The following RIN2 variants were observed in gnomAD, a reference collection of about 807,000 sequenced individuals.
RIN2 encodes the protein Ras and Rab interactor 2, also known as RAB5 interacting protein 2.
Under a neutral mutation model 78.0 loss-of-function variants are expected in RIN2, and 36 were observed. The ratio of observed to expected loss-of-function variants is 0.46; its 90% CI spans 0.35 to 0.61. The LOEUF (loss-of-function observed/expected upper bound fraction) is 0.61. RIN2 is among the 20% of genes least tolerant of loss of function. RIN2 has a pLI of 0.00. For synonymous variants in RIN2, 466 were observed against 466.8 expected (o/e 1.00, Z 0.02); for missense variants, 1,087 against 1,159.7 (o/e 0.94, Z 0.91).
chr20:19,765,489 A>G (rs1186931950), intron 1 of RIN2, among the ~76,000 whole-genome samples: 1 of 151,952 alleles, frequency 6.6e-6, no homozygotes, highest in African/African-American at 2.4e-5. Context: ...GTTCATTTGC[A>G]CTCATGTGTG....
At chr20:19,844,642 CTTCT>C (rs1568807403) in intron 2 of RIN2, among the ~76,000 whole-genome samples, 3 of 134,100 alleles carry the variant, frequency 2.2e-5, no homozygotes, top group Non-Finnish European at 4.8e-5. Flanking sequence ...TCTTCTTCTT[CTTCT>C]TCTTCTTCTT....
chr20:19,856,469 A>T (rs575803262), intron 2 of RIN2, among the ~76,000 whole-genome samples: 19 of 151,718 alleles, frequency 1.3e-4, no homozygotes, highest in African/African-American at 4.6e-4. Context: ...GGAGTTCAAG[A>T]CTACAATGAG....
rs559408943 is a variant in RIN2 at position 19,913,936 on chromosome 20, C to T, written c.58-21163C>T. Among the ~76,000 whole-genome samples, 7 of 152,132 alleles carry T rather than the reference C, an allele frequency of 4.6e-5. No individual in the cohort carries two copies. The East Asian group carries it at 5.8e-4, about 13-fold the overall frequency. ...GGAAGATTATTTTTTTCTCTTGCCC[C>T]GAATAAAAATATTAAAACCTATGTG... On this transcript the variant is annotated intron_variant, in intron 3 of 12. Transcript: ENST00000255006.
At chr20:19,952,142 C>A (rs4814927) in intron 4 of RIN2, among the ~76,000 whole-genome samples, 11,907 of 152,230 alleles carry the variant, frequency 0.078, 1,183 homozygotes, top group African/African-American at 0.21. Flanking sequence ...AATAGCCCCC[C>A]AGAGTTGTCT....
intron 3 of RIN2, among the ~76,000 whole-genome samples, chr20:19,915,822 A>T (rs983503731): frequency 3.3e-5 from 5 of 152,114 alleles, no homozygotes; most frequent in African/African-American, 4.8e-5. Context: ...TTTACAGAAA[A>T]TTTTTTGTCA....
chr20:19,958,026 A>G (rs992461385), intron 5 of RIN2, among the ~76,000 whole-genome samples: 3 of 152,264 alleles, frequency 2.0e-5, no homozygotes, highest in African/African-American at 7.2e-5. Context: ...AAATCCCATT[A>G]GTAGCTAGCT....
intron 4 of RIN2, among the ~76,000 whole-genome samples, chr20:19,946,442 CCGGGGTT>C (rs1333177110): frequency 2.0e-5 from 3 of 152,154 alleles, no homozygotes; most frequent in Non-Finnish European, 2.9e-5. Context: ...CAGGCCGGCG[CCGGGGTT>C]CACACCTGGA....
chr20:19,868,595 G>A (rs567699953), intron 2 of RIN2, among the ~76,000 whole-genome samples: 9 of 152,220 alleles, frequency 5.9e-5, no homozygotes, highest in African/African-American at 1.4e-4. Context: ...GTGAACATTC[G>A]ACAACAGGCC....
intron 9 of RIN2, among the ~76,000 whole-genome samples, chr20:19,979,608 G>T (rs571868753): frequency 6.6e-6 from 1 of 151,768 alleles, no homozygotes; most frequent in South Asian, 2.1e-4. Flanking sequence ...TCAGATCTGG[G>T]TTTTTTTTGT....
At chr20:19,894,105 T>C (rs1568580457) in intron 3 of RIN2, among the ~76,000 whole-genome samples, 1 of 151,930 alleles carries the variant, frequency 6.6e-6, no homozygotes, top group East Asian at 1.9e-4. Context: ...AAACACGTGG[T>C]GGGGAGAAGG....
intron 3 of RIN2, among the ~76,000 whole-genome samples, 183 bp downstream of exon 3, chr20:19,889,841 T>C (rs1386757364): frequency 1.3e-5 from 2 of 152,132 alleles, no homozygotes; most frequent in Non-Finnish European, 2.9e-5. Flanking sequence ...GGTCTGTGAT[T>C]TAGTGCTTTC....
Position 19,766,691 on chromosome 20 carries a change from C to G in RIN2, c.-163+8364C>G, listed in dbSNP as rs183148887. On this transcript the variant is annotated intron_variant, in intron 1 of 12. Transcript: ENST00000255006. Reference sequence around the variant, plus strand: ...ATCCCAGCACTTTGAGAGGCTGAGGCAGGCAGATCACTTGAAGTCAGGAGT... The same window carrying G: ...ATCCCAGCACTTTGAGAGGCTGAGGGAGGCAGATCACTTGAAGTCAGGAGT... 7.5e-3 allele frequency among the ~76,000 whole-genome samples: 1,135 copies of G among 152,186 alleles called. 15 individuals carry two copies. Among genetic ancestry groups the G allele is most frequent in the African/African-American group, 0.026 (1,071 of 41,536 alleles).
intron 2 of RIN2, among the ~76,000 whole-genome samples, chr20:19,827,708 T>A (rs1271348266): frequency 1.3e-5 from 2 of 152,188 alleles, no homozygotes; most frequent in Admixed American, 6.5e-5. Flanking sequence ...CGCTTTTTAA[T>A]GCTGGTCTCC....
intron 2 of RIN2, among the ~76,000 whole-genome samples, chr20:19,802,817 G>C (rs1202873536): frequency 6.6e-6 from 1 of 152,102 alleles, no homozygotes; most frequent in Non-Finnish European, 1.5e-5. Context: ...GCAAGCCCTA[G>C]TCATCTGCAT....
chr20:19,896,883 T>C (rs2038753888), intron 3 of RIN2, among the ~76,000 whole-genome samples: 1 of 152,204 alleles, frequency 6.6e-6, no homozygotes, highest in African/African-American at 2.4e-5. Context: ...TAATATATTG[T>C]ATTTGGCCTA....
At chr20:19,858,727 C>T (rs1243434529) in intron 2 of RIN2, among the ~76,000 whole-genome samples, 1 of 152,146 alleles carries the variant, frequency 6.6e-6, no homozygotes, top group Non-Finnish European at 1.5e-5. Flanking sequence ...TGACTCCTTC[C>T]CCATTCTCCA....
At chr20:19,897,852 C>T (rs1255005155) in intron 3 of RIN2, among the ~76,000 whole-genome samples, 1 of 152,062 alleles carries the variant, frequency 6.6e-6, no homozygotes, top group African/African-American at 2.4e-5. Flanking sequence ...GCTAGGACTA[C>T]AGATGCATGC....
chr20:19,975,752 C>G lies in RIN2; in HGVS notation c.1727C>G (p.Pro576Arg). ...NYLSQSSELD[P>R]PIESLIPEDQ... Reference sequence around the variant, plus strand: ...TTGTCTCAGAGCTCGGAGCTGGACCCCCCCATCGAGTCGCTGATCCCTGAA... The same window carrying G: ...TTGTCTCAGAGCTCGGAGCTGGACCGCCCCATCGAGTCGCTGATCCCTGAA... Residue 576 changes from proline (P) to arginine (R), a missense_variant, in exon 9 of 13, where the codon CCC (proline) becomes CGC (arginine). Around this residue, in one of 8 missense-constraint regions of RIN2, gnomAD observed 39 missense variants for 34.9 expected, o/e 1.12. Coordinates refer to ENST00000255006, the MANE Select transcript of RIN2 (RefSeq NM_018993.4). This position sits in a 1 kb window ranked among gnomAD's most constrained non-coding sequence, Gnocchi z 4.9. The G allele has an allele frequency of 6.2e-7, 1 of 1,612,322 alleles. No homozygotes were observed. Among genetic ancestry groups the G allele is most frequent in the Non-Finnish European group, 8.5e-7 (1 of 1,179,364 alleles).
intron 2 of RIN2, among the ~76,000 whole-genome samples, chr20:19,859,235 T>A (rs2037258447): frequency 6.6e-6 from 1 of 152,190 alleles, no homozygotes; most frequent in East Asian, 1.9e-4. Flanking sequence ...GCAGGCAGGA[T>A]GTGGCTGCAG....
Sources: gnomAD v4.1 joint callset for allele counts (sites outside exome capture counted in the v4.1 genomes callset) on GRCh38, gnomAD v4.1.1 for gene constraint, gnomAD v4.1.1 regional missense constraint, Gnocchi (gnomAD v3.1) non-coding constraint, MANE v1.5 for transcripts, NCBI Gene and HGNC (gene_info 2026-07-23, HGNC 2026-07-21) for gene names.